Variants in KCNT1 observed in about 807,000 individuals in gnomAD.
KCNT1 encodes the protein potassium channel subfamily T member 1.
A neutral mutation model predicts 147.8 loss-of-function variants in KCNT1; 78 were observed. The ratio of observed to expected loss-of-function variants is 0.53; its 90% CI spans 0.44 to 0.64. The LOEUF is 0.64. Ranked by LOEUF, KCNT1 falls within the 30% of genes least tolerant of loss-of-function variation. The pLI is 0.00. For missense variants in KCNT1, 1,419 were observed against 1,750.3 expected, an observed-to-expected ratio of 0.81 and a Z score of 3.38; for synonymous variants, 867 against 748.8, an observed-to-expected ratio of 1.16 and a Z score of -2.58.
chr9:135,715,322 G>C (rs1397161446), intron 2 of KCNT1, among the ~76,000 whole-genome samples: 1 of 152,258 alleles, frequency 6.6e-6, no homozygotes, highest in Non-Finnish European at 1.5e-5. Flanking sequence ...CTGGCAGGAA[G>C]CTGGAAGAAA....
chr9:135,758,409 C>T lies in KCNT1; in HGVS notation c.760-5C>T, dbSNP rs1268001450. The T allele has an allele frequency of 1.2e-6, 2 of 1,611,250 alleles. No homozygotes were observed. The highest frequency in any genetic ancestry group is 8.5e-7 in the Non-Finnish European group (1 of 1,178,766). ...GCCCGCTGACAGCCACCACTCCTTC[C>T]ACAGAATGACTTCCACCGTGCCATC... On this transcript the variant is annotated splice_polypyrimidine_tract_variant and splice_region_variant and intron_variant, in intron 9 of 30. Coordinates refer to ENST00000371757, the MANE Select transcript of KCNT1 (RefSeq NM_020822.3).
intron 11 of KCNT1, among the ~76,000 whole-genome samples, chr9:135,762,257 A>C (rs376809953): frequency 5.3e-5 from 8 of 152,216 alleles, no homozygotes; most frequent in African/African-American, 1.9e-4. Context: ...CAGCTTGAGC[A>C]ACGTAGAGAG....
In KCNT1 at chr9:135,784,466, C is replaced by T. The variant is rs574945363; in HGVS notation, c.2944-69C>T. On this transcript the variant is annotated intron_variant, in intron 25 of 30. Coordinates refer to ENST00000371757, the MANE Select transcript of KCNT1 (RefSeq NM_020822.3). The stretch of plus-strand genomic sequence containing the variant: ...TGGACCTGTGTCCCACGCCCGTGCC[C>T]GCGTGCCTCACTGTGGCTCCCTCCC... 389 of 1,130,960 alleles carry T rather than the reference C, an allele frequency of 3.4e-4. 13 individuals carry two copies. Among genetic ancestry groups the T allele is most frequent in the Non-Finnish European group, 7.3e-5 (57 of 783,728 alleles). 70.1% of individuals were successfully genotyped at this position (1,130,960 alleles called of 1,614,324 possible). A position where few individuals can be genotyped will look rare whatever the true frequency, so the allele number is the denominator to read the frequency against.
chr9:135,727,437 C>CCT (rs140325657), intron 2 of KCNT1, among the ~76,000 whole-genome samples: 37,386 of 135,854 alleles, frequency 0.28, 5,729 homozygotes, highest in Middle Eastern at 0.46. Flanking sequence ...CCCCCCTCTC[C>CCT]CTCTCTCTCT....
In KCNT1 at chr9:135,753,936, G is replaced by C; in HGVS notation, c.435-1G>C. ...CGGGCCAGCGCTGTGTCTCTCCACA[G>C]CTGGGGCTGCCCAAAGCAGAACTAC... On this transcript the variant is annotated splice_acceptor_variant, in intron 4 of 30. Coordinates refer to ENST00000371757, the MANE Select transcript of KCNT1 (RefSeq NM_020822.3). LOFTEE classifies it high-confidence loss of function. The C allele has an allele frequency of 6.2e-7, 1 of 1,614,088 alleles. No individual in the cohort carries two copies. The highest frequency in any genetic ancestry group is 8.5e-7 in the Non-Finnish European group (1 of 1,179,996).
chr9:135,770,283 C>CGCCCTGGCCCA lies in KCNT1; in HGVS notation c.1620-14_1620-4dup, dbSNP rs1554774825. 5.7e-6 allele frequency: 9 copies of CGCCCTGGCCCA among 1,577,726 alleles called. No homozygotes were observed. The highest frequency in any genetic ancestry group is 7.8e-6 in the Non-Finnish European group (9 of 1,160,048). On this transcript the variant is annotated splice_polypyrimidine_tract_variant and intron_variant, in intron 16 of 30. Transcript: ENST00000371757. ...GCCGAGGGTGACGCTCCCCTGGCCC[C>CGCCCTGGCCCA]GCCCTGGCCCACAGGGAGGGACAGG...
chr9:135,735,354 T>G (rs1293385854), intron 2 of KCNT1, among the ~76,000 whole-genome samples: 1 of 152,190 alleles, frequency 6.6e-6, no homozygotes, highest in Non-Finnish European at 1.5e-5. Context: ...GCCCTGTGCC[T>G]CAGCCTCCCT....
At position 135,774,597 on chromosome 9, in the gene KCNT1, CGTGTTGT is replaced by C. The variant is rs1466241478; in HGVS notation, c.2244-703_2244-697del. 3.5e-5 allele frequency among the ~76,000 whole-genome samples: 5 copies of C among 142,842 alleles called. No individual in the cohort carries two copies. In the South Asian group the frequency reaches 9.1e-4, roughly 26 times the overall value. 93.7% of individuals were successfully genotyped at this position (142,842 alleles called of 152,430 possible). On this transcript the variant is annotated intron_variant, in intron 19 of 30. Transcript: ENST00000371757. ...GTGTGTTGTGTGTCCATGTGTGGTACGTGTTGTGTGTTGTGTATGTTGTGTGTCGATG... is the reference window on the plus strand; with the variant it reads ...GTGTGTTGTGTGTCCATGTGTGGTACGTGTTGTGTATGTTGTGTGTCGATG...
At chr9:135,760,858 C>T (rs181026524) in intron 11 of KCNT1, among the ~76,000 whole-genome samples, 26 of 152,358 alleles carry the variant, frequency 1.7e-4, no homozygotes, top group African/African-American at 5.8e-4. Context: ...CCACGAGTCC[C>T]GCTCCTGTGA....
chr9:135,708,288 AT>A (rs1394812527), intron 1 of KCNT1, among the ~76,000 whole-genome samples: 1 of 152,230 alleles, frequency 6.6e-6, no homozygotes, highest in African/African-American at 2.4e-5. Context: ...ATACATGCAC[AT>A]TGTACATACA....
chr9:135,766,017 G>A (rs927525506), intron 13 of KCNT1, among the ~76,000 whole-genome samples: 1 of 151,976 alleles, frequency 6.6e-6, no homozygotes, highest in Non-Finnish European at 1.5e-5. Context: ...ACCATACAGG[G>A]TGGATCATCT....
chr9:135,782,509 G>A (rs539299017), intron 24 of KCNT1, among the ~76,000 whole-genome samples: 2 of 152,322 alleles, frequency 1.3e-5, no homozygotes, highest in Middle Eastern at 3.4e-3. Flanking sequence ...CCCTCTGACC[G>A]GGGGTCTCGT....
intron 2 of KCNT1, among the ~76,000 whole-genome samples, chr9:135,740,913 C>G (rs1830536404): frequency 6.6e-6 from 1 of 151,634 alleles, no homozygotes; most frequent in African/African-American, 2.4e-5. Context: ...CCCCTCCCCT[C>G]CCACCCCTCA....
In KCNT1 at chr9:135,794,073, A is replaced by G. The variant is rs62584781; in HGVS notation, c.*1912A>G. The G allele has an allele frequency of 0.15, 23,311 of 152,432 alleles. 1,950 individuals are homozygous for G. Among genetic ancestry groups the G allele is most frequent in the South Asian group, 0.2 (963 of 4,820 alleles). 9.4% of individuals were successfully genotyped at this position (152,432 alleles called of 1,614,324 possible). A position where few individuals can be genotyped will look rare whatever the true frequency, so the allele number is the denominator to read the frequency against. Reference sequence around the variant, plus strand: ...CTGCACAGCACCTGCAGGGAGGAGAAGGGAGAGAAAAGCCGGTCTGGCTGC... The same window carrying G: ...CTGCACAGCACCTGCAGGGAGGAGAGGGGAGAGAAAAGCCGGTCTGGCTGC... On this transcript the variant is annotated 3_prime_UTR_variant, in exon 31 of 31. Transcript: ENST00000371757.
chr9:135,781,670 C>T (rs1833618648), intron 24 of KCNT1, among the ~76,000 whole-genome samples: 1 of 151,860 alleles, frequency 6.6e-6, no homozygotes, highest in Non-Finnish European at 1.5e-5. Context: ...GAAAAGTTAC[C>T]CCAAATCCCT....
At chr9:135,785,252 C>A in intron 27 of KCNT1, 58 bp from the exon 28 acceptor site, 1 of 1,603,344 alleles carries the variant, frequency 6.2e-7, no homozygotes, top group Non-Finnish European at 8.5e-7. Context: ...CAGGCTGAGG[C>A]GGCGTGGGGG....
At chr9:135,726,003 G>A (rs571295302) in intron 2 of KCNT1, among the ~76,000 whole-genome samples, 2 of 152,248 alleles carry the variant, frequency 1.3e-5, no homozygotes, top group Non-Finnish European at 2.9e-5. Flanking sequence ...AGCCATGGCT[G>A]TGGGGGCTCG....
chr9:135,724,417 G>C (rs1423098480), intron 2 of KCNT1, among the ~76,000 whole-genome samples: 3 of 152,274 alleles, frequency 2.0e-5, no homozygotes. Flanking sequence ...GCACAGCCTT[G>C]TGGTGGCCAG....
intron 14 of KCNT1, 58 bp from the exon 15 acceptor site, chr9:135,768,771 C>A: frequency 6.5e-7 from 1 of 1,547,572 alleles, no homozygotes; most frequent in Non-Finnish European, 8.8e-7. Context: ...CTGCCGGTGC[C>A]GCCCAGCAGC....
Sources: allele counts gnomAD v4.1 joint callset (sites outside exome capture counted in the v4.1 genomes callset), GRCh38; gene constraint gnomAD v4.1.1; transcripts MANE v1.5; gene names NCBI Gene and HGNC (gene_info 2026-07-23, HGNC 2026-07-21).